Variants in CYP2C19 observed in about 807,000 individuals in gnomAD.
CYP2C19 encodes cytochrome P450 2C19.
Under a neutral mutation model 40.9 loss-of-function variants are expected in CYP2C19, and 59 were observed. That is an observed-to-expected ratio of 1.44 (90% CI 1.17 to 1.79). The LOEUF is 1.79. Ranked by LOEUF, CYP2C19 falls within the 40% of genes most tolerant of loss-of-function variation. The pLI, the probability that CYP2C19 is intolerant of heterozygous loss-of-function variation, is 0.00. For synonymous variants in CYP2C19, 253 were observed against 208.7 expected (o/e 1.21, Z -1.83); for missense variants, 754 against 596.9 (o/e 1.26, Z -2.74).
chr10:94,767,195 G>A (rs1448915579), intron 1 of CYP2C19, among the ~76,000 whole-genome samples: 1 of 152,126 alleles, frequency 6.6e-6, no homozygotes, highest in Admixed American at 6.5e-5. Flanking sequence ...CATGGGAAAT[G>A]AGATTCTTGT....
intron 5 of CYP2C19, among the ~76,000 whole-genome samples, chr10:94,813,484 G>C (rs1432759862): frequency 1.3e-5 from 2 of 152,008 alleles, no homozygotes; most frequent in African/African-American, 4.8e-5. Flanking sequence ...ACTGCTCAGA[G>C]AGTAGGAATC....
At chr10:94,811,717 T>C (rs2134260630) in intron 5 of CYP2C19, among the ~76,000 whole-genome samples, 1 of 152,266 alleles carries the variant, frequency 6.6e-6, no homozygotes, top group South Asian at 2.1e-4. Flanking sequence ...TTGTTTTGCT[T>C]TCCATTTGCT....
Position 94,802,328 on chromosome 10 carries a change from C to A in CYP2C19, c.820-18168C>A, listed in dbSNP as rs183582912. Among the ~76,000 whole-genome samples the A allele has an allele frequency of 1.6e-3, 237 of 152,308 alleles. 1 individual carries two copies. Among genetic ancestry groups the A allele is most frequent in the Non-Finnish European group, 2.7e-3 (187 of 68,034 alleles). On this transcript the variant is annotated intron_variant, in intron 5 of 8. Transcript: ENST00000371321. ...CAGCTGGCTTCACCTCTCACCTTTA[C>A]CATTAGGTAGTGGCCTTCTTTGTCT... is the stretch of plus-strand genomic sequence containing the variant.
rs1349931378 is a variant in CYP2C19, at chr10:94,820,584, G to A, written c.908G>A (p.Ser303Asn). 3.1e-6 allele frequency: 5 copies of A among 1,614,066 alleles called. No homozygotes were observed. The highest frequency in any genetic ancestry group is 4.2e-6 in the Non-Finnish European group (5 of 1,180,042). ...CTTGGAGCTGGGACAGAGACAACAA[G>A]CACAACCCTGAGATATGCTCTCCTT... ...DLLGAGTETTSTTLRYALLLL... is the reference protein window; with the variant it reads ...DLLGAGTETTNTTLRYALLLL... Residue 303 changes from serine (S) to asparagine (N), a missense_variant, in exon 6 of 9, where the codon AGC (serine) becomes AAC (asparagine). Ser to Asn is a conservative substitution (Grantham distance 46). Coordinates refer to ENST00000371321, the MANE Select transcript of CYP2C19 (RefSeq NM_000769.4).
chr10:94,770,447 A>C (rs1282762260), intron 1 of CYP2C19, among the ~76,000 whole-genome samples: 1 of 152,114 alleles, frequency 6.6e-6, no homozygotes, highest in Non-Finnish European at 1.5e-5. Flanking sequence ...TCTGAGGGCC[A>C]TGACTAAGGC....
intron 8 of CYP2C19, 47 bp from the exon 9 acceptor site, chr10:94,852,686 A>G: frequency 6.3e-7 from 1 of 1,583,098 alleles, no homozygotes; most frequent in Non-Finnish European, 8.7e-7. Flanking sequence ...TGTCACTCTC[A>G]CAGTTACACA....
At chr10:94,826,835 C>G (rs1252646545) in intron 6 of CYP2C19, among the ~76,000 whole-genome samples, 1 of 152,134 alleles carries the variant, frequency 6.6e-6, no homozygotes, top group African/African-American at 2.4e-5. Context: ...TACATCCCAT[C>G]AATACCTAAT....
At position 94,813,470 on chromosome 10, in the gene CYP2C19, T is replaced by C. The variant is rs1589364070; in HGVS notation, c.820-7026T>C. Among the ~76,000 whole-genome samples, 3 of 152,134 alleles carry C rather than the reference T, an allele frequency of 2.0e-5. No homozygotes were observed. In the South Asian group the frequency reaches 6.2e-4, roughly 32 times the overall value. ...GGGACTGTTGCCTGTCTTTCACAGA[T>C]GCAACTGCTCAGAGAGTAGGAATCT... On this transcript the variant is annotated intron_variant, in intron 5 of 8. Transcript: ENST00000371321.
chr10:94,766,353 G>T (rs1848243760), intron 1 of CYP2C19, among the ~76,000 whole-genome samples: 1 of 152,020 alleles, frequency 6.6e-6, no homozygotes, highest in Non-Finnish European at 1.5e-5. Flanking sequence ...GAATAAATAG[G>T]AAGGTAAAGA....
At chr10:94,821,261 C>T (rs1398522458) in intron 6 of CYP2C19, among the ~76,000 whole-genome samples, 1 of 152,012 alleles carries the variant, frequency 6.6e-6, no homozygotes, top group Non-Finnish European at 1.5e-5. Context: ...CATAAGTTGG[C>T]CTGGGATTGC....
chr10:94,818,516 C>A (rs1419353718), intron 5 of CYP2C19, among the ~76,000 whole-genome samples: 1 of 147,058 alleles, frequency 6.8e-6, no homozygotes, highest in African/African-American at 2.5e-5. Context: ...TTCTTCCTAC[C>A]CATGAGCATG....
In CYP2C19 at chr10:94,828,425, C is replaced by G. The variant is rs370262109; in HGVS notation, c.961+7788C>G. Reference sequence around the variant, plus strand: ...CCCTTTACCATTATGTAATGGCCTTCTTTGTCTCTTTTGATCTTTGTTGGT... The same window carrying G: ...CCCTTTACCATTATGTAATGGCCTTGTTTGTCTCTTTTGATCTTTGTTGGT... On this transcript the variant is annotated intron_variant, in intron 6 of 8. Coordinates refer to ENST00000371321, the MANE Select transcript of CYP2C19 (RefSeq NM_000769.4). Among the ~76,000 whole-genome samples, 877 of 149,300 alleles carry G rather than the reference C, an allele frequency of 5.9e-3. 10 individuals carry two copies. The highest frequency in any genetic ancestry group is 0.05 in the East Asian group (251 of 5,002).
intron 5 of CYP2C19, among the ~76,000 whole-genome samples, chr10:94,818,239 A>G (rs1849044079): frequency 6.9e-6 from 1 of 145,536 alleles, no homozygotes; most frequent in Non-Finnish European, 1.5e-5. Context: ...GTTCTGTTCC[A>G]TTGATCTATA....
chr10:94,818,827 C>G lies in CYP2C19; in HGVS notation c.820-1669C>G, dbSNP rs565370824. On this transcript the variant is annotated intron_variant, in intron 5 of 8. Coordinates refer to ENST00000371321, the MANE Select transcript of CYP2C19 (RefSeq NM_000769.4). Reference sequence around the variant, plus strand: ...GGGTTTTCTAGATAAACAATCATGTCGTCTGCAAACAGGGACAATTTGACT... The same window carrying G: ...GGGTTTTCTAGATAAACAATCATGTGGTCTGCAAACAGGGACAATTTGACT... 3.0e-3 allele frequency among the ~76,000 whole-genome samples: 456 copies of G among 151,564 alleles called. 3 individuals carry two copies. The highest frequency in any genetic ancestry group is 0.011 in the African/African-American group (434 of 41,312).
At chr10:94,775,757 C>A in intron 3 of CYP2C19, 4 of 670,730 alleles carry the variant, frequency 6.0e-6, no homozygotes, top group Non-Finnish European at 9.9e-6. Flanking sequence ...TATAAAAGTT[C>A]ATTTAATCCT....
chr10:94,840,452 G>A (rs1589375578), intron 6 of CYP2C19, among the ~76,000 whole-genome samples: 2 of 152,180 alleles, frequency 1.3e-5, no homozygotes, highest in Middle Eastern at 6.8e-3. Flanking sequence ...GGTGCCTAAG[G>A]ATGCAGCGTA....
At chr10:94,767,426 C>G (rs966439029) in intron 1 of CYP2C19, among the ~76,000 whole-genome samples, 1 of 152,202 alleles carries the variant, frequency 6.6e-6, no homozygotes, top group Non-Finnish European at 1.5e-5. Flanking sequence ...ATCACTTTCT[C>G]AGCCTTCTCT....
chr10:94,816,997 G>A (rs1387849043), intron 5 of CYP2C19, among the ~76,000 whole-genome samples: 2 of 109,038 alleles, frequency 1.8e-5, no homozygotes, highest in African/African-American at 6.5e-5. Context: ...ATTTGGGTTG[G>A]TTCCAAGTCT....
intron 6 of CYP2C19, among the ~76,000 whole-genome samples, chr10:94,826,194 G>A (rs1849218092): frequency 2.0e-5 from 3 of 152,150 alleles, no homozygotes; most frequent in African/African-American, 7.2e-5. Flanking sequence ...ATTCTGTGAA[G>A]AAAGTCATTG....
Sources: gnomAD v4.1 joint callset for allele counts (sites outside exome capture counted in the v4.1 genomes callset) on GRCh38, gnomAD v4.1.1 for gene constraint, MANE v1.5 for transcripts, NCBI Gene and HGNC (gene_info 2026-07-23, HGNC 2026-07-21) for gene names.